Variants in EIF4H observed in about 807,000 individuals in gnomAD.
EIF4H encodes the protein Williams-Beuren syndrome chromosome region 1.
A neutral mutation model predicts 30.6 loss-of-function variants in EIF4H; 8 were observed. The ratio of observed to expected loss-of-function variants is 0.26; its 90% CI spans 0.15 to 0.47. EIF4H has a LOEUF of 0.47. Ranked by LOEUF, EIF4H falls within the 20% of genes least tolerant of loss-of-function variation. The pLI is 0.99. For synonymous variants in EIF4H, 106 were observed against 122.7 expected, an observed-to-expected ratio of 0.86 and a Z score of 0.90; for missense variants, 188 against 339.5, an observed-to-expected ratio of 0.55 and a Z score of 3.51.
At chr7:74,175,085 GT>G in intron 1 of EIF4H, among the ~76,000 whole-genome samples, 1 of 152,222 alleles carries the variant, frequency 6.6e-6, no homozygotes, top group Non-Finnish European at 1.5e-5. Context: ...GCCTTGACAG[GT>G]GCTACGTGCT....
At chr7:74,180,598 A>G (rs1056232338) in intron 1 of EIF4H, among the ~76,000 whole-genome samples, 1 of 152,190 alleles carries the variant, frequency 6.6e-6, no homozygotes, top group Admixed American at 6.5e-5. Context: ...TTTGCTTTAT[A>G]AATGTGGAAT....
At chr7:74,183,724 A>G (rs1801016393) in intron 1 of EIF4H, 1 of 152,140 alleles carries the variant, frequency 6.6e-6, no homozygotes, top group Admixed American at 6.5e-5. Flanking sequence ...ATCGGTGGGT[A>G]ACAGATCTGT....
intron 1 of EIF4H, among the ~76,000 whole-genome samples, chr7:74,177,993 T>C (rs928207732): frequency 1.1e-4 from 16 of 152,096 alleles, no homozygotes; most frequent in African/African-American, 3.9e-4. Flanking sequence ...CAGGCTGGAG[T>C]GCAGTGGCAG....
At chr7:74,177,019 A>G (rs1347759586) in intron 1 of EIF4H, among the ~76,000 whole-genome samples, 1 of 152,222 alleles carries the variant, frequency 6.6e-6, no homozygotes, top group Non-Finnish European at 1.5e-5. Flanking sequence ...TAGGGTGGAA[A>G]TTGGAGGTGG....
rs782516773 is a variant in EIF4H, at chr7:74,187,788, T to C, written c.237T>C (p.Asp79=). 2.5e-6 allele frequency: 4 copies of C among 1,607,010 alleles called. No individual in the cohort carries two copies. Among genetic ancestry groups the C allele is most frequent in the East Asian group, 2.2e-5 (1 of 44,678 alleles). The change falls in exon 2 of 7, where the codon GAT becomes GAC. Residue 79 remains aspartate (D), a synonymous_variant. Coordinates refer to ENST00000265753, the MANE Select transcript of EIF4H (RefSeq NM_022170.2). ...GGCTAGTCAGAGACAAAGACACAGA[T>C]AAATTTAAAGGTGAGTTTGGGGGAT... ...SVRLVRDKDT[D]KFKGFCYVEF... is the part of the protein sequence containing the mutation.
intron 6 of EIF4H, 138 bp from the exon 7 acceptor site, chr7:74,195,031 G>A (rs1433403412): frequency 6.6e-7 from 1 of 1,513,676 alleles, no homozygotes; most frequent in Non-Finnish European, 8.9e-7. Flanking sequence ...TTGGTCATTA[G>A]AGCATCTGCT....
chr7:74,178,644 A>G (rs1800892082), intron 1 of EIF4H, among the ~76,000 whole-genome samples: 1 of 152,102 alleles, frequency 6.6e-6, no homozygotes, highest in Admixed American at 6.6e-5. Flanking sequence ...CAGACTCTGA[A>G]TGTCTTTCCA....
chr7:74,193,000 C>T (rs1233800904), intron 5 of EIF4H, among the ~76,000 whole-genome samples: 5 of 152,110 alleles, frequency 3.3e-5, no homozygotes, highest in South Asian at 2.1e-4. Context: ...ATTTTAAAGA[C>T]GCCTCATTTA....
At chr7:74,186,263 G>A (rs551845492) in intron 1 of EIF4H, among the ~76,000 whole-genome samples, 8 of 146,890 alleles carry the variant, frequency 5.4e-5, no homozygotes, top group South Asian at 2.2e-4. Context: ...TCGCTCTGTC[G>A]CCCAGGCTGG....
chr7:74,188,995 GTTA>G (rs1554709529), intron 2 of EIF4H, among the ~76,000 whole-genome samples: 4 of 152,118 alleles, frequency 2.6e-5, no homozygotes, highest in Non-Finnish European at 5.9e-5. Context: ...TGATTATTAA[GTTA>G]TTATACACAG....
At chr7:74,190,422 C>T in intron 5 of EIF4H, 116 bp downstream of exon 5, 3 of 1,038,770 alleles carry the variant, frequency 2.9e-6, no homozygotes, top group African/African-American at 1.6e-5. Flanking sequence ...TTAACAAATA[C>T]AACTCTCCTG....
chr7:74,185,150 C>A (rs550266723), intron 1 of EIF4H, among the ~76,000 whole-genome samples: 236 of 151,940 alleles, frequency 1.6e-3, no homozygotes, highest in Non-Finnish European at 3.1e-3. Context: ...GACCATCACT[C>A]CCGGCTAATT....
intron 2 of EIF4H, among the ~76,000 whole-genome samples, chr7:74,189,325 C>T (rs879988454): frequency 2.0e-5 from 3 of 152,184 alleles, no homozygotes; most frequent in African/African-American, 4.8e-5. Flanking sequence ...TTGAAATCTA[C>T]GAAATCTAAT....
chr7:74,189,880 G>T lies in EIF4H; in HGVS notation c.371G>T (p.Gly124Val). ...DIAEGRKQDK[G>V]GFGFRKGGPD... ...GCAGAAGGCAGAAAACAAGATAAAGGTGGCTTTGGATTCAGAAAAGGTGGA... is the reference window on the plus strand; with the variant it reads ...GCAGAAGGCAGAAAACAAGATAAAGTTGGCTTTGGATTCAGAAAAGGTGGA... Residue 124 changes from glycine (G) to valine (V), a missense_variant, in exon 4 of 7, where the codon GGT becomes GTT. Coordinates refer to ENST00000265753, the MANE Select transcript of EIF4H (RefSeq NM_022170.2). 6 of 1,614,216 alleles carry T rather than the reference G, an allele frequency of 3.7e-6. No individual in the cohort carries two copies. The South Asian group carries it at 6.6e-5, about 18-fold the overall frequency.
rs1801367085 is a variant in EIF4H at position 74,196,928 on chromosome 7, G to A, written c.*1620G>A. The A allele has an allele frequency of 6.6e-6, 1 of 152,594 alleles. No homozygotes were observed. Among genetic ancestry groups the A allele is most frequent in the Non-Finnish European group, 1.5e-5 (1 of 68,046 alleles). 9.5% of individuals were successfully genotyped at this position (152,594 alleles called of 1,614,324 possible). A position where few individuals can be genotyped will look rare whatever the true frequency, so the allele number is the denominator to read the frequency against. On this transcript the variant is annotated 3_prime_UTR_variant, in exon 7 of 7. Coordinates refer to ENST00000265753, the MANE Select transcript of EIF4H (RefSeq NM_022170.2). Reference sequence around the variant, plus strand: ...CTACTTACATCTTCAATGTGGATAAGATAAAGAACAAAACACATGCATCTA... The same window carrying A: ...CTACTTACATCTTCAATGTGGATAAAATAAAGAACAAAACACATGCATCTA...
At chr7:74,191,677 A>G (rs889738733) in intron 5 of EIF4H, among the ~76,000 whole-genome samples, 1 of 152,210 alleles carries the variant, frequency 6.6e-6, no homozygotes, top group Non-Finnish European at 1.5e-5. Flanking sequence ...GAAAGCAAAA[A>G]CATTTCATCA....
At chr7:74,187,489 TG>T in intron 1 of EIF4H, 121 bp from the exon 2 acceptor site, 1 of 997,514 alleles carries the variant, frequency 1.0e-6, no homozygotes. Flanking sequence ...AACAGTCTTG[TG>T]GTACATCGAG....
In EIF4H at chr7:74,187,732, A is replaced by G. The variant is rs1554709385; in HGVS notation, c.181A>G (p.Ile61Val). 6.2e-7 allele frequency: 1 copy of G among 1,613,896 alleles called. No individual in the cohort carries two copies. Among genetic ancestry groups the G allele is most frequent in the South Asian group, 1.1e-5 (1 of 91,078 alleles). Residue 61 changes from isoleucine to valine, a missense_variant, in exon 2 of 7, where the codon ATC (isoleucine) becomes GTC (valine). Physicochemically the swap from Ile to Val is conservative, Grantham distance 29 (BLOSUM62 3). This residue lies in a region of EIF4H where 52 missense variants were observed against 143.9 expected (regional missense o/e 0.36). Coordinates refer to ENST00000265753, the MANE Select transcript of EIF4H (RefSeq NM_022170.2). ...TACGGTTCAGGGCGACATAGATGCT[A>G]TCTTTAAGGATCTCAGCATAAGGAG... is the stretch of plus-strand genomic sequence containing the variant. ...FNTVQGDIDA[I>V]FKDLSIRSVR...
chr7:74,195,134 C>T (rs782523823), intron 6 of EIF4H, 35 bp from the exon 7 acceptor site: 9 of 1,610,686 alleles, frequency 5.6e-6, no homozygotes, highest in Non-Finnish European at 7.6e-6. Flanking sequence ...GGAATGGGAT[C>T]CACACTCTGA....
Sources: gnomAD v4.1 joint callset for allele counts (sites outside exome capture counted in the v4.1 genomes callset) on GRCh38, gnomAD v4.1.1 for gene constraint, gnomAD v4.1.1 regional missense constraint, MANE v1.5 for transcripts, NCBI Gene and HGNC (gene_info 2026-07-23, HGNC 2026-07-21) for gene names.